The following SAFB variants were observed in gnomAD, a reference collection of about 807,000 sequenced individuals.
The protein encoded by SAFB is scaffold attachment factor B.
A neutral mutation model predicts 101.6 loss-of-function variants in SAFB; 15 were observed. The observed-to-expected ratio is 0.15, with a 90% CI of 0.10 to 0.23. SAFB has a LOEUF of 0.23. Ranked by LOEUF, SAFB falls within the 10% of genes least tolerant of loss-of-function variation. The pLI is 1.00. For missense variants in SAFB, 930 were observed against 1,104.1 expected (o/e 0.84, Z 2.23); for synonymous variants, 449 against 407.5 (o/e 1.10, Z -1.23).
chr19:5,643,939 C>G (rs1477871806), intron 4 of SAFB, among the ~76,000 whole-genome samples: 8 of 152,066 alleles, frequency 5.3e-5, no homozygotes, highest in Admixed American at 5.2e-4. Flanking sequence ...TCCTTAACCT[C>G]TGCTCCTCAC....
chr19:5,661,404 A>C (rs2054199081), intron 14 of SAFB, 114 bp from the exon 15 acceptor site: 2 of 1,528,112 alleles, frequency 1.3e-6, no homozygotes, highest in Non-Finnish European at 1.8e-6. Context: ...TCTGCAGACC[A>C]CGTAGTGGAC....
chr19:5,624,566 C>T (rs2053304539), intron 1 of SAFB, among the ~76,000 whole-genome samples: 1 of 152,190 alleles, frequency 6.6e-6, no homozygotes, highest in Non-Finnish European at 1.5e-5. Flanking sequence ...GTTGCTCCGC[C>T]TGGCCGCCCA....
chr19:5,643,033 G>T (rs1236868952), intron 4 of SAFB, among the ~76,000 whole-genome samples: 1 of 151,994 alleles, frequency 6.6e-6, no homozygotes, highest in Non-Finnish European at 1.5e-5. Context: ...TGAGGAAATT[G>T]GGAAGGCAAG....
At chr19:5,665,111 T>A (rs2054298915) in intron 17 of SAFB, 1 of 152,446 alleles carries the variant, frequency 6.6e-6, no homozygotes, top group South Asian at 2.1e-4. Context: ...TGCCAGCATT[T>A]TCTGGACTCC....
chr19:5,624,444 C>A (rs1018397820), intron 1 of SAFB, among the ~76,000 whole-genome samples: 4 of 152,010 alleles, frequency 2.6e-5, no homozygotes, highest in Admixed American at 2.6e-4. Context: ...AAAGGGATCC[C>A]TAGGAAAAGC....
In SAFB at chr19:5,637,926, ACAGT is replaced by A. The variant is rs1369645188; in HGVS notation, c.275-3665_275-3662del. 3.9e-5 allele frequency among the ~76,000 whole-genome samples: 6 copies of A among 152,236 alleles called. No individual in the cohort carries two copies. The East Asian group carries it at 9.6e-4, about 24-fold the overall frequency. On this transcript the variant is annotated intron_variant, in intron 2 of 20. Coordinates refer to ENST00000588852, the MANE Select transcript of SAFB (RefSeq NM_001201338.2). ...TGTGATTTTATTCTTCACATGGAAG[ACAGT>A]CAAAGAGTTTAATTTGAGCATGCCT...
chr19:5,628,218 T>C (rs1476433574), intron 2 of SAFB, among the ~76,000 whole-genome samples: 1 of 151,990 alleles, frequency 6.6e-6, no homozygotes, highest in Admixed American at 6.6e-5. Flanking sequence ...ACCACTGCAC[T>C]CCAGCCTGGG....
chr19:5,659,710 C>A (rs984574849), intron 14 of SAFB, among the ~76,000 whole-genome samples: 40 of 146,664 alleles, frequency 2.7e-4, no homozygotes, highest in Admixed American at 4.7e-4. Flanking sequence ...AAAAAAAAAA[C>A]AAAGTCTCCC....
chr19:5,648,103 C>T, intron 6 of SAFB, 60 bp downstream of exon 6: 2 of 1,359,836 alleles, frequency 1.5e-6, no homozygotes, highest in Non-Finnish European at 2.1e-6. Flanking sequence ...TTTCCACCTT[C>T]TCTAATTTGA....
intron 15 of SAFB, among the ~76,000 whole-genome samples, chr19:5,663,720 G>A (rs1003206887): frequency 1.3e-5 from 2 of 152,172 alleles, no homozygotes; most frequent in African/African-American, 4.8e-5. Flanking sequence ...CTTCCTGAGC[G>A]GAGGTGGCTG....
chr19:5,626,584 C>A, intron 2 of SAFB, 95 bp downstream of exon 2: 1 of 736,298 alleles, frequency 1.4e-6, no homozygotes, highest in South Asian at 1.6e-5. Context: ...GTGTGTTGGA[C>A]TTGTGAACCA....
At position 5,668,397 on chromosome 19, in the gene SAFB, A is replaced by T. The variant is rs1266853006; in HGVS notation, c.*106A>T. The T allele has an allele frequency of 1.1e-5, 14 of 1,242,324 alleles. No individual in the cohort carries two copies. The highest frequency in any genetic ancestry group is 3.3e-6 in the Non-Finnish European group (3 of 919,332). The allele number at this position is 1,242,324 out of a possible 1,614,324, so 77.0% of individuals were successfully genotyped here. A position where few individuals can be genotyped will look rare whatever the true frequency, so the allele number is the denominator to read the frequency against. On this transcript the variant is annotated 3_prime_UTR_variant, in exon 21 of 21. Coordinates refer to ENST00000588852, the MANE Select transcript of SAFB (RefSeq NM_001201338.2). Reference sequence around the variant, plus strand: ...TTTTTTTAATCTGCTGCCATATTGTAGCTCAATACAATGTGAATTTGTTTT... The same window carrying T: ...TTTTTTTAATCTGCTGCCATATTGTTGCTCAATACAATGTGAATTTGTTTT...
intron 5 of SAFB, among the ~76,000 whole-genome samples, chr19:5,646,113 T>C (rs1205153832): frequency 6.6e-6 from 1 of 152,216 alleles, no homozygotes; most frequent in Non-Finnish European, 1.5e-5. Context: ...AGCTGGCTAA[T>C]TCTTAGGAGA....
chr19:5,625,821 T>C (rs1223899763), intron 1 of SAFB, among the ~76,000 whole-genome samples: 1 of 152,184 alleles, frequency 6.6e-6, no homozygotes, highest in East Asian at 1.9e-4. Flanking sequence ...GTTGTGAATG[T>C]ACATGATGGG....
rs1441287263 is a variant in SAFB at position 5,667,123 on chromosome 19, CAAG to C, written c.2414_2416del (p.Lys805del). 2.5e-6 allele frequency: 4 copies of C among 1,611,630 alleles called. No individual in the cohort carries two copies. The highest frequency in any genetic ancestry group is 3.4e-6 in the Non-Finnish European group (4 of 1,178,864). The stretch of plus-strand genomic sequence containing the variant: ...ATGGCTGGGGGGGCTATGGCTCTGA[CAAG>C]AGGATGAGCGAGGGCCGGGGGCTGC... On this transcript the variant is annotated inframe_deletion, in exon 18 of 21. Coordinates refer to ENST00000588852, the MANE Select transcript of SAFB (RefSeq NM_001201338.2). The surrounding 1 kb of genome is among the most constrained non-coding windows in gnomAD (Gnocchi z 4.0).
chr19:5,633,124 T>A (rs993175884), intron 2 of SAFB, among the ~76,000 whole-genome samples: 3 of 152,256 alleles, frequency 2.0e-5, no homozygotes, highest in African/African-American at 7.2e-5. Flanking sequence ...GTCTATTCAT[T>A]TATTCTGGTA....
At chr19:5,655,313 G>A (rs1159353839) in intron 13 of SAFB, among the ~76,000 whole-genome samples, 1 of 151,828 alleles carries the variant, frequency 6.6e-6, no homozygotes, top group Non-Finnish European at 1.5e-5. Flanking sequence ...TAAAAATTAG[G>A]CAGGCTCGGT....
intron 2 of SAFB, among the ~76,000 whole-genome samples, chr19:5,639,075 G>A (rs2053652053): frequency 6.6e-6 from 1 of 152,154 alleles, no homozygotes; most frequent in African/African-American, 2.4e-5. Flanking sequence ...TCTAAAACTG[G>A]AACAAAAATA....
intron 2 of SAFB, among the ~76,000 whole-genome samples, chr19:5,636,356 T>C (rs560627526): frequency 7.2e-5 from 11 of 152,224 alleles, no homozygotes; most frequent in African/African-American, 2.6e-4. Flanking sequence ...TCTGTGGCAA[T>C]GCTCTGGTAT....
Sources: allele counts gnomAD v4.1 joint callset (sites outside exome capture counted in the v4.1 genomes callset), GRCh38; gene constraint gnomAD v4.1.1; non-coding constraint Gnocchi (gnomAD v3.1); transcripts MANE v1.5; gene names NCBI Gene and HGNC (gene_info 2026-07-23, HGNC 2026-07-21).